TRMT11: variants seen among roughly 807,000 people sequenced by gnomAD.
TRMT11 encodes the protein tRNA methyltransferase 11, also known as tRNA (guanine(10)-N(2))-methyltransferase TRMT11.
In TRMT11, 53 loss-of-function variants were observed where a neutral mutation model predicts 62.8. The observed-to-expected ratio is 0.84, with a 90% CI of 0.68 to 1.06. The LOEUF (loss-of-function observed/expected upper bound fraction) is 1.06. TRMT11 is among the 50% of genes least tolerant of loss of function. TRMT11 has a pLI of 0.00. For missense variants in TRMT11, 556 were observed against 553.4 expected (o/e 1.00, Z -0.05); for synonymous variants, 188 against 190.3 (o/e 0.99, Z 0.10).
At chr6:126,254,855 G>A in the TRMT11 span, among the ~76,000 whole-genome samples, 27 of 151,880 alleles carry the variant, frequency 1.8e-4, no homozygotes, top group South Asian at 5.0e-3. Flanking sequence ...TATTTCTATG[G>A]ATTTGAAATT....
At chr6:126,133,810 C>G (rs1343121680) in intron 21 of TRMT11, among the ~76,000 whole-genome samples, 1 of 151,992 alleles carries the variant, frequency 6.6e-6, no homozygotes, top group South Asian at 2.1e-4. Context: ...ATATTCTCAT[C>G]ATTTTAGAGA....
intron 18 of TRMT11, among the ~76,000 whole-genome samples, chr6:126,113,756 C>T (rs563217474): frequency 6.6e-6 from 1 of 152,020 alleles, no homozygotes; most frequent in Non-Finnish European, 1.5e-5. Context: ...AAAGTAGGCT[C>T]TCAATATTAG....
chr6:125,996,568 G>A (rs1562239559), intron 3 of TRMT11, among the ~76,000 whole-genome samples: 1 of 151,990 alleles, frequency 6.6e-6, no homozygotes. Flanking sequence ...TTTATCATTG[G>A]CATCCACTTT....
intron 7 of TRMT11, among the ~76,000 whole-genome samples, chr6:126,001,372 T>A (rs1792451650): frequency 6.6e-6 from 1 of 152,058 alleles, no homozygotes; most frequent in Non-Finnish European, 1.5e-5. Context: ...CTTCCCTTTA[T>A]TTTTTATCTA....
chr6:126,175,767 C>T (rs1174640563), upstream of TRMT11, among the ~76,000 whole-genome samples: 1 of 152,080 alleles, frequency 6.6e-6, no homozygotes, highest in Non-Finnish European at 1.5e-5. Context: ...TGCAGACATC[C>T]TTGTTGGATA....
At chr6:126,268,154 G>A in the TRMT11 span, among the ~76,000 whole-genome samples, 1 of 152,222 alleles carries the variant, frequency 6.6e-6, no homozygotes, top group South Asian at 2.1e-4. Context: ...TACACAGCAC[G>A]TCCCTTCAAC....
chr6:126,153,656 G>A (rs1176335716), intron 21 of TRMT11, among the ~76,000 whole-genome samples: 1 of 152,148 alleles, frequency 6.6e-6, no homozygotes, highest in Non-Finnish European at 1.5e-5. Flanking sequence ...GTTGCCAAGG[G>A]CAGATTGATT....
intron 21 of TRMT11, among the ~76,000 whole-genome samples, chr6:126,172,112 C>T (rs1778336397): frequency 6.6e-6 from 1 of 152,046 alleles, no homozygotes; most frequent in Non-Finnish European, 1.5e-5. Flanking sequence ...GGCTGAATTA[C>T]TTGATCAAAA....
rs79008319 is a variant in TRMT11, at chr6:125,988,767, C to T, written c.72+2145C>T. ...CTGAAAACCAGCTGAAGGTGAAAGT[C>T]GTATATCTGTAATCATGCTAAGATT... On this transcript the variant is annotated intron_variant, in intron 1 of 12. Coordinates refer to ENST00000334379, the MANE Select transcript of TRMT11 (RefSeq NM_001031712.3). 4.7e-3 allele frequency among the ~76,000 whole-genome samples: 714 copies of T among 152,210 alleles called. 4 individuals are homozygous for T. The highest frequency in any genetic ancestry group is 6.9e-3 in the Non-Finnish European group (471 of 68,026).
chr6:126,271,485 TTATA>T, the TRMT11 span, among the ~76,000 whole-genome samples: 23 of 147,048 alleles, frequency 1.6e-4, no homozygotes, highest in African/African-American at 4.7e-4. Flanking sequence ...CCCAAATGGT[TTATA>T]TATATATATA....
rs936033176 is a variant in TRMT11, at chr6:126,190,438, T to G, written n.144-8361T>G. Among the ~76,000 whole-genome samples the G allele has an allele frequency of 2.6e-5, 4 of 152,138 alleles. No homozygotes were observed. In the East Asian group the frequency reaches 7.7e-4, roughly 29 times the overall value. ...CCCTCTTGATGCATTGTGAAGAAGG[T>G]ACCTGCTTCCCCTTCACCTTCCACC... On this transcript the variant is annotated intron_variant and non_coding_transcript_variant, in intron 1 of 3. Transcript: ENST00000444229.
chr6:126,237,265 A>G, the TRMT11 span, among the ~76,000 whole-genome samples: 1 of 151,798 alleles, frequency 6.6e-6, no homozygotes, highest in South Asian at 2.1e-4. Context: ...AGGGAAAAAG[A>G]CTCTCTCTCT....
chr6:126,030,991 AGCGGT>A (rs1211646188), intron 12 of TRMT11, among the ~76,000 whole-genome samples: 3 of 152,138 alleles, frequency 2.0e-5, no homozygotes, highest in Non-Finnish European at 2.9e-5. Context: ...ATTGATAGGG[AGCGGT>A]GCAGGAGATG....
At chr6:126,056,397 C>A (rs1045795694) in intron 17 of TRMT11, among the ~76,000 whole-genome samples, 1 of 152,000 alleles carries the variant, frequency 6.6e-6, no homozygotes, top group African/African-American at 2.4e-5. Context: ...GGTTATTGGG[C>A]CAATAGGGAA....
At chr6:126,152,448 G>T (rs1159016512) in intron 21 of TRMT11, among the ~76,000 whole-genome samples, 7 of 152,082 alleles carry the variant, frequency 4.6e-5, no homozygotes, top group Non-Finnish European at 1.0e-4. Flanking sequence ...ACAGTGGTTT[G>T]GGAAGTCACT....
chr6:126,098,068 T>G (rs1039082023), intron 17 of TRMT11, among the ~76,000 whole-genome samples: 5 of 152,082 alleles, frequency 3.3e-5, no homozygotes, highest in Non-Finnish European at 5.9e-5. Flanking sequence ...TCCCCACTGT[T>G]TTTCTGGATG....
intron 21 of TRMT11, among the ~76,000 whole-genome samples, chr6:126,159,315 G>A (rs1778161935): frequency 6.6e-6 from 1 of 152,106 alleles, no homozygotes; most frequent in Admixed American, 6.6e-5. Flanking sequence ...AGGCTTTAGT[G>A]TCATATGGTC....
Position 126,189,771 on chromosome 6 carries a change from T to G in TRMT11, n.144-9028T>G, listed in dbSNP as rs1353825913. Among the ~76,000 whole-genome samples, 4 of 152,162 alleles carry G rather than the reference T, an allele frequency of 2.6e-5. No individual in the cohort carries two copies. In the South Asian group the frequency reaches 6.2e-4, roughly 24 times the overall value. The stretch of plus-strand genomic sequence containing the variant: ...GACATTTTTACAAGATAAGTGTAAA[T>G]ATAGTACTTTAACATGTAGTAATCC... On this transcript the variant is annotated intron_variant and non_coding_transcript_variant, in intron 1 of 3. Transcript: ENST00000444229.
chr6:126,044,754 C>T (rs542833521), intron 16 of TRMT11, among the ~76,000 whole-genome samples: 6 of 152,218 alleles, frequency 3.9e-5, no homozygotes, highest in African/African-American at 1.4e-4. Flanking sequence ...ATGCTTACTG[C>T]CCATTATAAA....
Sources: allele counts gnomAD v4.1 joint callset (sites outside exome capture counted in the v4.1 genomes callset), GRCh38; gene constraint gnomAD v4.1.1; transcripts MANE v1.5; gene names NCBI Gene and HGNC (gene_info 2026-07-23, HGNC 2026-07-21).